The following PRKCB variants were observed in gnomAD, a reference collection of about 807,000 sequenced individuals.
The protein encoded by PRKCB is protein kinase C beta, also known as protein kinase C beta type.
Under a neutral mutation model 81.5 loss-of-function variants are expected in PRKCB, and 13 were observed. That is an observed-to-expected ratio of 0.16 (90% CI 0.10 to 0.25). The LOEUF is 0.25. PRKCB is among the 10% of genes least tolerant of loss of function. PRKCB has a pLI of 1.00. For missense variants in PRKCB, 509 were observed against 875.7 expected (o/e 0.58, Z 5.29); for synonymous variants, 335 against 321.4 (o/e 1.04, Z -0.45).
At chr16:24,067,048 G>A (rs900506790) in intron 5 of PRKCB, among the ~76,000 whole-genome samples, 1 of 151,372 alleles carries the variant, frequency 6.6e-6, no homozygotes, top group Non-Finnish European at 1.5e-5. Context: ...ATGAGGTCTC[G>A]CTGTGTTGCC....
chr16:23,989,029 C>T (rs1964839572), intron 3 of PRKCB, among the ~76,000 whole-genome samples: 1 of 152,118 alleles, frequency 6.6e-6, no homozygotes, highest in South Asian at 2.1e-4. Context: ...GGAGCAATCT[C>T]AGCTCACTGC....
intron 3 of PRKCB, among the ~76,000 whole-genome samples, chr16:23,995,025 G>A (rs1346437633): frequency 6.6e-6 from 1 of 152,184 alleles, no homozygotes; most frequent in Admixed American, 6.5e-5. Flanking sequence ...GTGTGTTAGA[G>A]GATGGGAAAT....
At chr16:23,905,041 TC>T (rs1430184931) in intron 2 of PRKCB, among the ~76,000 whole-genome samples, 2 of 119,372 alleles carry the variant, frequency 1.7e-5, no homozygotes, top group African/African-American at 6.7e-5. Context: ...CCTTTTTTTT[TC>T]TTTTTTTTTT....
intron 2 of PRKCB, among the ~76,000 whole-genome samples, chr16:23,917,025 C>G (rs1371417886): frequency 2.0e-5 from 3 of 152,088 alleles, no homozygotes; most frequent in Non-Finnish European, 4.4e-5. Flanking sequence ...ATAGGGTCAC[C>G]TGGGCCTCCC....
In PRKCB at chr16:23,990,659, C is replaced by T. The variant is rs184551090; in HGVS notation, c.288+2069C>T. 2.8e-3 allele frequency among the ~76,000 whole-genome samples: 431 copies of T among 152,078 alleles called. 3 individuals are homozygous for T. The highest frequency in any genetic ancestry group is 4.3e-3 in the Non-Finnish European group (290 of 67,972). ...ACCTCCCTGGCTCTAGCAACCCCCC[C>T]ACCTCAGCCGCCCACGTAGCTGGGC... On this transcript the variant is annotated intron_variant, in intron 3 of 16. Coordinates refer to ENST00000643927, the MANE Select transcript of PRKCB (RefSeq NM_002738.7).
intron 3 of PRKCB, among the ~76,000 whole-genome samples, chr16:24,022,237 T>C (rs1169750118): frequency 6.6e-6 from 1 of 152,070 alleles, no homozygotes; most frequent in Admixed American, 6.6e-5. Context: ...ATTCCAGCAC[T>C]GTTGGGAAGA....
intron 2 of PRKCB, among the ~76,000 whole-genome samples, chr16:23,908,358 G>A (rs1227668611): frequency 2.6e-5 from 4 of 152,064 alleles, no homozygotes; most frequent in African/African-American, 7.3e-5. Context: ...AGAATATGGG[G>A]AGGGCAACTC....
intron 10 of PRKCB, among the ~76,000 whole-genome samples, chr16:24,162,441 ACTTTTTTT>A (rs1342967606): frequency 1.3e-4 from 16 of 119,802 alleles, no homozygotes; most frequent in African/African-American, 1.0e-4. Flanking sequence ...AACAGAGAAG[ACTTTTTTT>A]TTTTTTTTTT....
intron 2 of PRKCB, among the ~76,000 whole-genome samples, chr16:23,897,088 A>G (rs1212928167): frequency 1.3e-5 from 2 of 152,162 alleles, no homozygotes; most frequent in African/African-American, 4.8e-5. Flanking sequence ...GTTGATCACA[A>G]ATAATACAAG....
intron 2 of PRKCB, among the ~76,000 whole-genome samples, chr16:23,967,363 G>C (rs996746669): frequency 1.2e-4 from 18 of 152,208 alleles, no homozygotes; most frequent in Non-Finnish European, 2.9e-5. Context: ...TCACCCATGG[G>C]GGCGATAGGG....
At chr16:24,048,907 G>A (rs1965799808) in intron 5 of PRKCB, among the ~76,000 whole-genome samples, 4 of 152,106 alleles carry the variant, frequency 2.6e-5, no homozygotes, top group Admixed American at 2.6e-4. Context: ...ATTATATGGT[G>A]AGGAAACTGA....
chr16:23,864,329 C>T (rs1387407749), intron 2 of PRKCB, among the ~76,000 whole-genome samples: 4 of 152,294 alleles, frequency 2.6e-5, no homozygotes, highest in South Asian at 2.1e-4. Flanking sequence ...CAGTGGCTCA[C>T]GCCTGCAATC....
At chr16:24,034,714 C>G (rs960254425) in intron 4 of PRKCB, among the ~76,000 whole-genome samples, 13 of 152,310 alleles carry the variant, frequency 8.5e-5, no homozygotes, top group Non-Finnish European at 1.8e-4. Flanking sequence ...AGTGCCCCAT[C>G]CTGCATAATT....
chr16:23,913,101 C>T lies in PRKCB; in HGVS notation c.206-75407C>T, dbSNP rs554349130. Among the ~76,000 whole-genome samples the T allele has an allele frequency of 5.3e-5, 8 of 152,246 alleles. 1 individual carries two copies. The South Asian group carries it at 1.7e-3, about 32-fold the overall frequency. On this transcript the variant is annotated intron_variant, in intron 2 of 16. Transcript: ENST00000643927. ...CAGGCAAATCAGATTGTTTCACAGACTTCAGAATGGAGGCTGAGGTTCAAG... is the reference window on the plus strand; with the variant it reads ...CAGGCAAATCAGATTGTTTCACAGATTTCAGAATGGAGGCTGAGGTTCAAG...
chr16:24,071,750 G>C (rs574364969), intron 5 of PRKCB, among the ~76,000 whole-genome samples: 25 of 152,172 alleles, frequency 1.6e-4, no homozygotes, highest in African/African-American at 5.5e-4. Flanking sequence ...GGGAACAGCC[G>C]GCAGCCAAGG....
At chr16:24,132,771 CTTTTTTTTTT>C (rs750021427) in intron 9 of PRKCB, among the ~76,000 whole-genome samples, 2 of 100,968 alleles carry the variant, frequency 2.0e-5, no homozygotes, top group Non-Finnish European at 3.9e-5. Context: ...TGATTTGGGG[CTTTTTTTTTT>C]TTTTTTTTTT....
chr16:23,930,597 G>A (rs1963958998), intron 2 of PRKCB, among the ~76,000 whole-genome samples: 1 of 151,974 alleles, frequency 6.6e-6, no homozygotes, highest in Non-Finnish European at 1.5e-5. Context: ...CTCTTTTGAA[G>A]AGCATTCTAA....
chr16:24,121,690 G>A (rs1479020058), intron 8 of PRKCB, among the ~76,000 whole-genome samples: 2 of 152,110 alleles, frequency 1.3e-5, no homozygotes, highest in Non-Finnish European at 2.9e-5. Context: ...AATGTTTTTT[G>A]AATGAATGAA....
intron 10 of PRKCB, among the ~76,000 whole-genome samples, chr16:24,156,541 C>A (rs1432376723): frequency 6.6e-6 from 1 of 152,172 alleles, no homozygotes; most frequent in African/African-American, 2.4e-5. Flanking sequence ...TCCCAAGGTG[C>A]TGGGATTACA....
Sources: gnomAD v4.1 joint callset for allele counts (sites outside exome capture counted in the v4.1 genomes callset) on GRCh38, gnomAD v4.1.1 for gene constraint, MANE v1.5 for transcripts, NCBI Gene and HGNC (gene_info 2026-07-23, HGNC 2026-07-21) for gene names.